Variants in CADM1 observed in about 807,000 individuals in gnomAD.
The protein encoded by CADM1 is TSLC-1.
Under a neutral mutation model 53.1 loss-of-function variants are expected in CADM1, and 15 were observed. The observed-to-expected ratio is 0.28, with a 90% CI of 0.19 to 0.44. CADM1 has a LOEUF of 0.44. CADM1 is among the 20% of genes least tolerant of loss of function. The pLI, the probability that CADM1 is intolerant of heterozygous loss-of-function variation, is 1.00. For synonymous variants in CADM1, 281 were observed against 243.0 expected, an observed-to-expected ratio of 1.16 and a Z score of -1.45; for missense variants, 434 against 611.3, an observed-to-expected ratio of 0.71 and a Z score of 3.06.
intron 5 of CADM1, among the ~76,000 whole-genome samples, chr11:115,225,669 T>C (rs958447745): frequency 6.6e-6 from 1 of 152,218 alleles, no homozygotes; most frequent in South Asian, 2.1e-4. Flanking sequence ...TTCTATGCCA[T>C]ATGGTAGCAC....
intron 1 of CADM1, among the ~76,000 whole-genome samples, chr11:115,405,631 T>C (rs1207500658): frequency 6.6e-6 from 1 of 152,116 alleles, no homozygotes; most frequent in East Asian, 1.9e-4. Context: ...ACATAAAATA[T>C]ATATAGCAGT....
chr11:115,444,193 T>C (rs547597138), intron 1 of CADM1, among the ~76,000 whole-genome samples: 1 of 152,176 alleles, frequency 6.6e-6, no homozygotes, highest in Non-Finnish European at 1.5e-5. Flanking sequence ...GGAATTCATT[T>C]GGAAAAATGC....
At position 115,174,814 on chromosome 11, in the gene CADM1, G is replaced by C. The variant is rs925348005; in HGVS notation, c.*1660C>G. ...CATAGGGACTGTTAGCTGGAGTCTG[G>C]AGTCTTACCAAACATATGGTAAGAG... is the stretch of plus-strand genomic sequence containing the variant. On this transcript the variant is annotated 3_prime_UTR_variant, in exon 12 of 12. Transcript: ENST00000331581. 2 of 978,182 alleles carry C rather than the reference G, an allele frequency of 2.0e-6. No homozygotes were observed. Among genetic ancestry groups the C allele is most frequent in the East Asian group, 1.1e-4 (1 of 8,786 alleles). The allele number at this position is 978,182 out of a possible 1,614,324, so 60.6% of individuals were successfully genotyped here.
Position 115,173,819 on chromosome 11 carries a change from A to G in CADM1, c.*2655T>C. 1 of 984,606 alleles carries G rather than the reference A, an allele frequency of 1.0e-6. No individual in the cohort carries two copies. Among genetic ancestry groups the G allele is most frequent in the Non-Finnish European group, 1.2e-6 (1 of 829,208 alleles). 61.0% of individuals were successfully genotyped at this position (984,606 alleles called of 1,614,324 possible). ...AAAACAGAACTGGCCTAAAGGGAAA[A>G]ATAAGACGTCGGTGTGACTAAAGAA... On this transcript the variant is annotated 3_prime_UTR_variant, in exon 12 of 12. Transcript: ENST00000331581.
intron 1 of CADM1, among the ~76,000 whole-genome samples, chr11:115,418,439 A>G (rs952971179): frequency 1.5e-4 from 23 of 152,158 alleles, no homozygotes; most frequent in Admixed American, 1.2e-3. Flanking sequence ...CTACCCTTAC[A>G]GGCTTCCAAA....
At chr11:115,246,037 A>G (rs1419486205) in intron 1 of CADM1, among the ~76,000 whole-genome samples, 4 of 152,206 alleles carry the variant, frequency 2.6e-5, no homozygotes, top group Non-Finnish European at 5.9e-5. Flanking sequence ...TTACAGTAAC[A>G]TTTTTAGGCA....
At chr11:115,288,622 C>T (rs1943794282) in intron 1 of CADM1, among the ~76,000 whole-genome samples, 1 of 152,178 alleles carries the variant, frequency 6.6e-6, no homozygotes, top group African/African-American at 2.4e-5. Context: ...CCCTTGTCCC[C>T]ACTTCACAGG....
intron 1 of CADM1, among the ~76,000 whole-genome samples, chr11:115,281,616 A>C (rs1173921948): frequency 6.6e-6 from 1 of 152,194 alleles, no homozygotes; most frequent in Admixed American, 6.5e-5. Flanking sequence ...CTTGTTCTTC[A>C]AGGAAATCAT....
intron 1 of CADM1, among the ~76,000 whole-genome samples, chr11:115,254,475 C>T (rs1249531608): frequency 1.3e-5 from 2 of 151,136 alleles, no homozygotes; most frequent in Non-Finnish European, 2.9e-5. Flanking sequence ...GGAAACAGGC[C>T]TTAGTATTGG....
chr11:115,214,753 G>T lies in CADM1; in HGVS notation c.849C>A (p.Val283=). The T allele has an allele frequency of 1.2e-6, 2 of 1,613,852 alleles. No homozygotes were observed. The highest frequency in any genetic ancestry group is 1.7e-6 in the Non-Finnish European group (2 of 1,179,888). The change falls in exon 7 of 12, where the codon GTC becomes GTA. Residue 283 remains valine, a synonymous_variant. Coordinates refer to ENST00000331581, the MANE Select transcript of CADM1 (RefSeq NM_001301043.2). Reference sequence around the variant, plus strand: ...CGGCGTGTTGAGGCATTTCATCATCGACTCTCACCCAAGTTACCATCACAG... The same window carrying T: ...CGGCGTGTTGAGGCATTTCATCATCTACTCTCACCCAAGTTACCATCACAG... ...PQPVMVTWVR[V]DDEMPQHAVL...
intron 1 of CADM1, among the ~76,000 whole-genome samples, chr11:115,447,067 A>G (rs1004424753): frequency 8.5e-5 from 13 of 152,216 alleles, no homozygotes; most frequent in Non-Finnish European, 1.3e-4. Context: ...TGGTACAAAC[A>G]TAACAGGTAC....
Position 115,456,143 on chromosome 11 carries a change from T to C in CADM1, c.124+48128A>G, listed in dbSNP as rs377025980. On this transcript the variant is annotated intron_variant, in intron 1 of 11. Transcript: ENST00000331581. ...TTTGAATCAAGTATAGTAAAACAAA[T>C]GTGGGCCCTTAAAGATAATACACCC... Among the ~76,000 whole-genome samples the C allele has an allele frequency of 3.5e-4, 53 of 152,252 alleles. 1 individual carries two copies. The East Asian group carries it at 7.1e-3, about 21-fold the overall frequency.
chr11:115,280,576 T>C (rs1943559586), intron 1 of CADM1, among the ~76,000 whole-genome samples: 4 of 152,196 alleles, frequency 2.6e-5, no homozygotes, highest in African/African-American at 7.2e-5. Context: ...CCAGTCCCTG[T>C]AGGCATAGAA....
chr11:115,413,800 A>G (rs1191595955), intron 1 of CADM1, among the ~76,000 whole-genome samples: 1 of 151,956 alleles, frequency 6.6e-6, no homozygotes, highest in African/African-American at 2.4e-5. Context: ...ACACGCCACC[A>G]TGCCCAGCTA....
At chr11:115,383,967 T>A (rs1426361325) in intron 1 of CADM1, among the ~76,000 whole-genome samples, 2 of 151,428 alleles carry the variant, frequency 1.3e-5, no homozygotes, top group Non-Finnish European at 2.9e-5. Flanking sequence ...AAAAAAAAAA[T>A]TGCAACTGAT....
chr11:115,232,166 C>A (rs1941843236), intron 3 of CADM1, among the ~76,000 whole-genome samples: 1 of 152,048 alleles, frequency 6.6e-6, no homozygotes. Flanking sequence ...TACCAGGAAA[C>A]CCCAGAAAGC....
intron 1 of CADM1, among the ~76,000 whole-genome samples, chr11:115,455,454 C>A (rs1015710501): frequency 2.2e-4 from 33 of 151,570 alleles, no homozygotes; most frequent in African/African-American, 7.8e-4. Context: ...GTAGAAAATG[C>A]CCATATATAT....
intron 1 of CADM1, among the ~76,000 whole-genome samples, chr11:115,388,196 A>G (rs900119156): frequency 4.6e-5 from 7 of 152,296 alleles, no homozygotes; most frequent in African/African-American, 1.7e-4. Flanking sequence ...CGACTGACAG[A>G]CAGGCAGACA....
intron 3 of CADM1, among the ~76,000 whole-genome samples, chr11:115,234,813 A>C (rs1351518482): frequency 6.8e-6 from 1 of 147,440 alleles, no homozygotes; most frequent in East Asian, 2.1e-4. Flanking sequence ...AAATCACTTG[A>C]ACTCAGGAGG....
Sources: gnomAD v4.1 joint callset for allele counts (sites outside exome capture counted in the v4.1 genomes callset) on GRCh38, gnomAD v4.1.1 for gene constraint, MANE v1.5 for transcripts, NCBI Gene and HGNC (gene_info 2026-07-23, HGNC 2026-07-21) for gene names.